Variants in ARFGEF3 observed in about 807,000 individuals in gnomAD.
ARFGEF3 encodes brefeldin A-inhibited guanine nucleotide-exchange protein 3.
In ARFGEF3, 96 loss-of-function variants were observed where a neutral mutation model predicts 221.7. That is an observed-to-expected ratio of 0.43 (90% CI 0.37 to 0.51). The LOEUF (loss-of-function observed/expected upper bound fraction) is 0.51. ARFGEF3 is among the 20% of genes least tolerant of loss of function. The probability of loss-of-function intolerance (pLI) is 0.00; values close to 1 mark genes in which losing one functional copy is unlikely to be tolerated. For missense variants in ARFGEF3, 2,410 were observed against 2,789.9 expected (o/e 0.86, Z 3.07); for synonymous variants, 1,145 against 1,126.8 (o/e 1.02, Z -0.32).
chr6:138,181,540 T>G (rs1032450318), intron 2 of ARFGEF3, among the ~76,000 whole-genome samples: 1 of 152,080 alleles, frequency 6.6e-6, no homozygotes, highest in African/African-American at 2.4e-5. Context: ...GTCTCCCGGG[T>G]TCAAGCAATT....
chr6:138,262,435 G>C (rs943408421), intron 11 of ARFGEF3, among the ~76,000 whole-genome samples: 2 of 152,038 alleles, frequency 1.3e-5, no homozygotes, highest in Non-Finnish European at 2.9e-5. Context: ...CAAGTGATCC[G>C]CCCACCTCAG....
In ARFGEF3 at chr6:138,344,278, C is replaced by T. The variant is rs1424239954; in HGVS notation, c.*7792C>T. 6.6e-6 allele frequency: 1 copy of T among 152,090 alleles called. No individual in the cohort carries two copies. The allele number at this position is 152,090 out of a possible 1,614,324, so 9.4% of individuals were successfully genotyped here. Reference sequence around the variant, plus strand: ...TTTACCTATAAAATGCAAAATTCATCCTTGCAACCCCATTCACCAGGAGCC... The same window carrying T: ...TTTACCTATAAAATGCAAAATTCATTCTTGCAACCCCATTCACCAGGAGCC... On this transcript the variant is annotated 3_prime_UTR_variant, in exon 34 of 34. Transcript: ENST00000251691.
chr6:138,203,891 T>A (rs1017111447), intron 2 of ARFGEF3, among the ~76,000 whole-genome samples: 3 of 151,766 alleles, frequency 2.0e-5, no homozygotes, highest in Non-Finnish European at 4.4e-5. Context: ...TCCGCCCTCC[T>A]TGGACTCCCA....
chr6:138,244,280 C>T (rs990738933), intron 7 of ARFGEF3, among the ~76,000 whole-genome samples: 1 of 152,238 alleles, frequency 6.6e-6, no homozygotes, highest in African/African-American at 2.4e-5. Flanking sequence ...TTCTCTCTTA[C>T]ACATTTGCCA....
At chr6:138,274,268 T>A (rs1036616199) in intron 12 of ARFGEF3, among the ~76,000 whole-genome samples, 1 of 152,222 alleles carries the variant, frequency 6.6e-6, no homozygotes, top group African/African-American at 2.4e-5. Context: ...CAATTGTACC[T>A]TTCATCTATG....
At chr6:138,292,236 A>G (rs1250530099) in intron 19 of ARFGEF3, among the ~76,000 whole-genome samples, 183 bp downstream of exon 19, 1 of 152,196 alleles carries the variant, frequency 6.6e-6, no homozygotes, top group Non-Finnish European at 1.5e-5. Context: ...GTTTTCTACT[A>G]ACACTGGAGG....
chr6:138,255,447 G>T lies in ARFGEF3; in HGVS notation c.782G>T (p.Cys261Phe), dbSNP rs771074662. The change falls in exon 10 of 34, where the codon TGC becomes TTC. Residue 261 changes from cysteine to phenylalanine, a missense_variant. Around this residue, in one of 5 missense-constraint regions of ARFGEF3, gnomAD observed 570 missense variants for 586.9 expected, o/e 0.97. Transcript: ENST00000251691. ...RFTDLIWKNLCPALIVILGNP... is the reference protein window; with the variant it reads ...RFTDLIWKNLFPALIVILGNP... ...CCATCTCTTCCCAGGAAAAACCTCT[G>T]CCCTGCTCTCATCGTGATCTTGGGG... The T allele has an allele frequency of 2.5e-6, 4 of 1,602,624 alleles. No individual in the cohort carries two copies. Among genetic ancestry groups the T allele is most frequent in the South Asian group, 2.2e-5 (2 of 90,500 alleles).
At chr6:138,267,294 G>A (rs1363332874) in intron 12 of ARFGEF3, among the ~76,000 whole-genome samples, 2 of 152,158 alleles carry the variant, frequency 1.3e-5, no homozygotes, top group East Asian at 3.9e-4. Context: ...GCATGGTGGT[G>A]CATGCCTGTA....
rs1779421002 is a variant in ARFGEF3, at chr6:138,292,066, G to A, written c.3368+13G>A. 5.7e-6 allele frequency: 8 copies of A among 1,404,506 alleles called. No individual in the cohort carries two copies. The highest frequency in any genetic ancestry group is 3.1e-5 in the South Asian group (2 of 64,890). 87.0% of individuals were successfully genotyped at this position (1,404,506 alleles called of 1,614,324 possible). ...CGCAAGCCGACAGGTGCGCGGCGCC[G>A]GCCTCCCACGCCCCGGGAGCCTGCT... On this transcript the variant is annotated intron_variant, in intron 19 of 33. Transcript: ENST00000251691.
chr6:138,325,536 G>T (rs929757171), intron 31 of ARFGEF3, among the ~76,000 whole-genome samples: 2 of 152,242 alleles, frequency 1.3e-5, no homozygotes, highest in Non-Finnish European at 2.9e-5. Context: ...AGGTTGTAAG[G>T]CCGCAATGAA....
At chr6:138,215,046 G>A (rs1355576312) in intron 4 of ARFGEF3, among the ~76,000 whole-genome samples, 2 of 152,204 alleles carry the variant, frequency 1.3e-5, no homozygotes, top group South Asian at 2.1e-4. Context: ...TGAATATTTA[G>A]GTTAAATACT....
intron 4 of ARFGEF3, chr6:138,217,759 C>A: frequency 1.8e-6 from 1 of 567,710 alleles, no homozygotes; most frequent in South Asian, 5.0e-5. Flanking sequence ...AAATAACAAA[C>A]TAAATTGAGA....
intron 4 of ARFGEF3, among the ~76,000 whole-genome samples, chr6:138,227,144 A>C (rs1258410794): frequency 6.6e-6 from 1 of 151,802 alleles, no homozygotes; most frequent in Non-Finnish European, 1.5e-5. Flanking sequence ...CATGGTCAGC[A>C]TTGGCTGGGG....
intron 5 of ARFGEF3, among the ~76,000 whole-genome samples, chr6:138,233,064 T>C (rs972137505): frequency 7.2e-5 from 11 of 152,230 alleles, no homozygotes; most frequent in African/African-American, 2.7e-4. Context: ...AATTGTTCTA[T>C]GGTGTTTTAT....
At chr6:138,325,008 T>G (rs1369171932) in intron 31 of ARFGEF3, among the ~76,000 whole-genome samples, 2 of 152,222 alleles carry the variant, frequency 1.3e-5, no homozygotes, top group Non-Finnish European at 2.9e-5. Context: ...CAATAACCAT[T>G]GACTGGCTAA....
chr6:138,243,460 G>A (rs1778429400), intron 7 of ARFGEF3, among the ~76,000 whole-genome samples: 1 of 152,110 alleles, frequency 6.6e-6, no homozygotes, highest in Non-Finnish European at 1.5e-5. Context: ...TTAAAGATCA[G>A]CTGAAATCAA....
chr6:138,168,622 A>G (rs1406999802), intron 1 of ARFGEF3, among the ~76,000 whole-genome samples: 2 of 152,224 alleles, frequency 1.3e-5, no homozygotes, highest in African/African-American at 4.8e-5. Flanking sequence ...CAGTCATCCA[A>G]GTGAGAGAAG....
chr6:138,245,540 A>C lies in ARFGEF3; in HGVS notation c.614A>C (p.Asp205Ala). The change falls in exon 8 of 34, where the codon GAT (aspartate) becomes GCT (alanine). Residue 205 changes from aspartate to alanine, a missense_variant. By Grantham distance (126) the Asp-to-Ala change is moderately radical (BLOSUM62 -2). This residue lies in a region of ARFGEF3 where 570 missense variants were observed against 586.9 expected (regional missense o/e 0.97). Transcript: ENST00000251691. ...TCAACAGTAGAGTCCCTCTGTGATG[A>C]TGTTGTCTCTGTACTCACCGTCCTG... ...QGSTVESLCD[D>A]VVSVLTVLCE... 6.2e-7 allele frequency: 1 copy of C among 1,611,454 alleles called. No homozygotes were observed.
intron 2 of ARFGEF3, among the ~76,000 whole-genome samples, chr6:138,170,990 G>A (rs889204283): frequency 1.3e-5 from 2 of 152,138 alleles, no homozygotes; most frequent in Admixed American, 6.5e-5. Flanking sequence ...GAGAGAAGGG[G>A]ACTGAATGCA....
Sources: allele counts gnomAD v4.1 joint callset (sites outside exome capture counted in the v4.1 genomes callset), GRCh38; gene constraint gnomAD v4.1.1; regional missense constraint gnomAD v4.1.1; transcripts MANE v1.5; gene names NCBI Gene and HGNC (gene_info 2026-07-23, HGNC 2026-07-21).